COL11A1: variants seen among roughly 807,000 people sequenced by gnomAD.
The protein encoded by COL11A1 is collagen alpha-1(XI) chain.
COL11A1 carries 74 observed loss-of-function variants against 265.2 expected under a neutral mutation model. The observed-to-expected ratio is 0.28, with a 90% CI of 0.23 to 0.34. The LOEUF (loss-of-function observed/expected upper bound fraction) is 0.34. Ranked by LOEUF, COL11A1 falls within the 10% of genes least tolerant of loss-of-function variation. The pLI, the probability that COL11A1 is intolerant of heterozygous loss-of-function variation, is 1.00. For missense variants in COL11A1, 2,165 were observed against 2,263.6 expected, an observed-to-expected ratio of 0.96 and a Z score of 0.88; for synonymous variants, 816 against 727.6, an observed-to-expected ratio of 1.12 and a Z score of -1.96.
At chr1:103,071,952 A>G (rs1671627152) in intron 4 of COL11A1, among the ~76,000 whole-genome samples, 1 of 151,192 alleles carries the variant, frequency 6.6e-6, no homozygotes, top group Non-Finnish European at 1.5e-5. Context: ...ATAAATCCTT[A>G]TGAGGAAGAT....
intron 15 of COL11A1, among the ~76,000 whole-genome samples, chr1:103,007,408 T>C (rs1422047700): frequency 1.3e-5 from 2 of 152,198 alleles, no homozygotes; most frequent in Non-Finnish European, 2.9e-5. Context: ...AAATATTACA[T>C]AGGCCTTCAT....
intron 1 of COL11A1, among the ~76,000 whole-genome samples, chr1:103,091,669 G>A (rs1038940513): frequency 2.6e-5 from 4 of 152,002 alleles, no homozygotes; most frequent in Admixed American, 2.0e-4. Flanking sequence ...ACTAAGATGT[G>A]TTGTCATTAA....
intron 62 of COL11A1, among the ~76,000 whole-genome samples, chr1:102,887,886 G>A (rs1319477942): frequency 1.3e-5 from 2 of 152,100 alleles, no homozygotes; most frequent in African/African-American, 4.8e-5. Flanking sequence ...GCCAAGAAGA[G>A]AAGTGCAGAA....
At chr1:102,917,707 C>A (rs191428013) in intron 49 of COL11A1, among the ~76,000 whole-genome samples, 1 of 151,694 alleles carries the variant, frequency 6.6e-6, no homozygotes, top group East Asian at 1.9e-4. Flanking sequence ...AGATTATTTT[C>A]TTTTTATTAA....
At chr1:103,057,833 G>C (rs1429749948) in intron 4 of COL11A1, among the ~76,000 whole-genome samples, 1 of 152,110 alleles carries the variant, frequency 6.6e-6, no homozygotes, top group Non-Finnish European at 1.5e-5. Context: ...AGACTTTGTG[G>C]TTCCATTTAT....
At chr1:103,055,306 T>G (rs1023046276) in intron 4 of COL11A1, among the ~76,000 whole-genome samples, 2 of 152,258 alleles carry the variant, frequency 1.3e-5, no homozygotes, top group African/African-American at 2.4e-5. Flanking sequence ...ATAAATATTA[T>G]GTTATCATCT....
intron 41 of COL11A1, among the ~76,000 whole-genome samples, chr1:102,956,891 C>T (rs941452824): frequency 3.4e-5 from 5 of 148,966 alleles, no homozygotes; most frequent in African/African-American, 1.2e-4. Context: ...AAAAAAAAAC[C>T]AAGTCAGTTA....
At chr1:102,915,361 T>C (rs950059452) in intron 50 of COL11A1, among the ~76,000 whole-genome samples, 1 of 152,212 alleles carries the variant, frequency 6.6e-6, no homozygotes, top group East Asian at 1.9e-4. Context: ...TTATGGACAG[T>C]TCATCAAAGG....
intron 4 of COL11A1, among the ~76,000 whole-genome samples, chr1:103,042,039 A>G (rs1224212672): frequency 1.3e-5 from 2 of 152,044 alleles, no homozygotes; most frequent in Non-Finnish European, 2.9e-5. Context: ...ATAAGATAGT[A>G]ATTATATTTC....
intron 41 of COL11A1, among the ~76,000 whole-genome samples, chr1:102,954,616 G>A (rs566143676): frequency 2.6e-5 from 4 of 152,206 alleles, no homozygotes; most frequent in Non-Finnish European, 4.4e-5. Context: ...AGGCCGAAGC[G>A]GGTGGATCAC....
At chr1:102,933,841 T>A (rs556778216) in intron 46 of COL11A1, among the ~76,000 whole-genome samples, 101 of 151,938 alleles carry the variant, frequency 6.6e-4, no homozygotes, top group Non-Finnish European at 1.0e-3. Flanking sequence ...CCGGTGGGAG[T>A]GACCCGATTT....
chr1:103,026,057 T>C, intron 6 of COL11A1, 159 bp downstream of exon 6: 1 of 1,264,570 alleles, frequency 7.9e-7, no homozygotes, highest in Non-Finnish European at 1.2e-6. Context: ...TGGACATCAT[T>C]CTTCAAAACG....
intron 43 of COL11A1, among the ~76,000 whole-genome samples, chr1:102,939,925 T>C (rs1455168747): frequency 6.6e-6 from 1 of 152,176 alleles, no homozygotes; most frequent in Non-Finnish European, 1.5e-5. Context: ...TGGTAAATGA[T>C]AACAGGATTA....
rs556070590 is a variant in COL11A1 at position 102,886,495 on chromosome 1, A to G, written c.4858+312T>C. ...ATGAAGTTAGTAATCATATTACAAT[A>G]TACACATGTGTGTATACACAGTATC... On this transcript the variant is annotated intron_variant, in intron 63 of 66. Coordinates refer to ENST00000370096, the MANE Select transcript of COL11A1 (RefSeq NM_001854.4). 1.3e-4 allele frequency among the ~76,000 whole-genome samples: 20 copies of G among 152,282 alleles called. No individual in the cohort carries two copies. The South Asian group carries it at 4.1e-3, about 32-fold the overall frequency.
At chr1:103,071,254 A>C (rs1031859242) in intron 4 of COL11A1, among the ~76,000 whole-genome samples, 1 of 151,896 alleles carries the variant, frequency 6.6e-6, no homozygotes, top group Non-Finnish European at 1.5e-5. Context: ...ATTTTAAAAA[A>C]TTAGGAAACA....
At chr1:102,964,649 T>C (rs1469655754) in intron 38 of COL11A1, among the ~76,000 whole-genome samples, 1 of 151,662 alleles carries the variant, frequency 6.6e-6, no homozygotes, top group Admixed American at 6.6e-5. Context: ...CGTGTGCGCA[T>C]GTGTGTGTGT....
At chr1:102,966,837 T>A (rs531931252) in intron 37 of COL11A1, among the ~76,000 whole-genome samples, 8 of 152,290 alleles carry the variant, frequency 5.3e-5, no homozygotes, top group Non-Finnish European at 7.4e-5. Context: ...TTTATAAACC[T>A]CTAATCAGTA....
chr1:102,986,848 A>T (rs1211594298), intron 30 of COL11A1, among the ~76,000 whole-genome samples: 1 of 152,158 alleles, frequency 6.6e-6, no homozygotes, highest in African/African-American at 2.4e-5. Flanking sequence ...AATGAATATG[A>T]TAATTATCTG....
At chr1:102,905,421 GAAGGAAGA>G (rs1200541934) in intron 54 of COL11A1, among the ~76,000 whole-genome samples, 1 of 149,186 alleles carries the variant, frequency 6.7e-6, no homozygotes, top group Non-Finnish European at 1.5e-5. Context: ...AGAAAGGAAG[GAAGGAAGA>G]AAGGAAGAAA....
Sources: allele counts gnomAD v4.1 joint callset (sites outside exome capture counted in the v4.1 genomes callset), GRCh38; gene constraint gnomAD v4.1.1; transcripts MANE v1.5; gene names NCBI Gene and HGNC (gene_info 2026-07-23, HGNC 2026-07-21).